FRMD3: variants seen among roughly 807,000 people sequenced by gnomAD.
FRMD3 encodes the protein FERM domain-containing protein 3.
A neutral mutation model predicts 70.2 loss-of-function variants in FRMD3; 33 were observed. The ratio of observed to expected loss-of-function variants is 0.47; its 90% CI spans 0.36 to 0.63. The LOEUF (loss-of-function observed/expected upper bound fraction) is 0.63. Ranked by LOEUF, FRMD3 falls within the 20% of genes least tolerant of loss-of-function variation. The pLI is 0.00. For synonymous variants in FRMD3, 279 were observed against 255.9 expected (o/e 1.09, Z -0.86); for missense variants, 632 against 711.4 (o/e 0.89, Z 1.27).
intron 13 of FRMD3, among the ~76,000 whole-genome samples, chr9:83,263,881 C>A (rs1833105784): frequency 1.3e-5 from 2 of 152,112 alleles, no homozygotes; most frequent in South Asian, 4.1e-4. Context: ...GGAAAACTTG[C>A]ATGAGGACAA....
chr9:83,566,829 T>C, the FRMD3 span, among the ~76,000 whole-genome samples: 1 of 152,156 alleles, frequency 6.6e-6, no homozygotes, highest in Non-Finnish European at 1.5e-5. Context: ...CTTTGCAGGG[T>C]ACAGCCTCCC....
intron 6 of FRMD3, chr9:83,331,885 C>G: frequency 1.4e-6 from 1 of 717,410 alleles, no homozygotes; most frequent in Non-Finnish European, 2.6e-6. Flanking sequence ...TTTCCTTGAT[C>G]CTGGGTAAGA....
chr9:83,491,602 T>G (rs1358335181), intron 1 of FRMD3, among the ~76,000 whole-genome samples: 5 of 152,174 alleles, frequency 3.3e-5, no homozygotes, highest in Admixed American at 6.5e-5. Flanking sequence ...GTCTGGAAGA[T>G]TCTGCCACAT....
In FRMD3 at chr9:83,248,121, G is replaced by A. The variant is rs1205154585; in HGVS notation, c.1591C>T (p.Leu531Phe). 1 of 1,614,196 alleles carries A rather than the reference G, an allele frequency of 6.2e-7. No homozygotes were observed. The highest frequency in any genetic ancestry group is 1.1e-5 in the South Asian group (1 of 91,084). ...VNPLVKSFSRLLVVGLGLLLF... is the reference protein window; with the variant it reads ...VNPLVKSFSRFLVVGLGLLLF... ...AGCAGTCCCAGGCCCACCACAAGGAGCCTGGAAAAACTCTTGACCAGTGGG... is the reference window on the plus strand; with the variant it reads ...AGCAGTCCCAGGCCCACCACAAGGAACCTGGAAAAACTCTTGACCAGTGGG... The change falls in exon 14 of 14, where the codon CTC (leucine) becomes TTC (phenylalanine). Residue 531 changes from leucine (L) to phenylalanine (F), a missense_variant. Coordinates refer to ENST00000304195, the MANE Select transcript of FRMD3 (RefSeq NM_174938.6).
intron 1 of FRMD3, among the ~76,000 whole-genome samples, chr9:83,520,783 C>G (rs1326589907): frequency 2.0e-5 from 3 of 152,090 alleles, no homozygotes; most frequent in Admixed American, 6.6e-5. Flanking sequence ...CAGACCCTCT[C>G]TAGCTGGGCT....
intron 5 of FRMD3, among the ~76,000 whole-genome samples, chr9:83,340,878 GCAC>G (rs917181312): frequency 3.3e-5 from 5 of 152,248 alleles, no homozygotes; most frequent in Non-Finnish European, 4.4e-5. Flanking sequence ...TTACAGGTGT[GCAC>G]CACCACATCC....
Position 83,245,397 on chromosome 9 carries a change from G to T in FRMD3, c.*2521C>A, listed in dbSNP as rs958340607. 6.1e-5 allele frequency: 60 copies of T among 985,202 alleles called. No individual in the cohort carries two copies. Among genetic ancestry groups the T allele is most frequent in the Non-Finnish European group, 7.1e-5 (59 of 829,920 alleles). 61.0% of individuals were successfully genotyped at this position (985,202 alleles called of 1,614,324 possible). On this transcript the variant is annotated 3_prime_UTR_variant, in exon 14 of 14. Transcript: ENST00000304195. The stretch of plus-strand genomic sequence containing the variant: ...GGCTCTGATTCTATGCCGAGCAAAT[G>T]GCATTTCAAGATTCCAGTTTAACTT...
At chr9:83,269,961 C>T (rs1833476608) in intron 13 of FRMD3, among the ~76,000 whole-genome samples, 1 of 152,144 alleles carries the variant, frequency 6.6e-6, no homozygotes, top group African/African-American at 2.4e-5. Flanking sequence ...TTGCCTCAGC[C>T]ATTTCTCTCT....
chr9:83,346,834 T>A (rs533688849), intron 4 of FRMD3, among the ~76,000 whole-genome samples: 1 of 152,290 alleles, frequency 6.6e-6, no homozygotes, highest in African/African-American at 2.4e-5. Context: ...AGAATCTGCA[T>A]TTATAACAAG....
the FRMD3 span, among the ~76,000 whole-genome samples, chr9:83,567,244 G>A: frequency 6.6e-6 from 1 of 152,186 alleles, no homozygotes; most frequent in South Asian, 2.1e-4. Flanking sequence ...GCCCCTTTCA[G>A]CCACAGCTGG....
At chr9:83,475,338 G>A (rs553240644) in intron 1 of FRMD3, among the ~76,000 whole-genome samples, 4 of 152,084 alleles carry the variant, frequency 2.6e-5, no homozygotes, top group East Asian at 3.9e-4. Flanking sequence ...AAAATACAAT[G>A]TAATAGAAGA....
chr9:83,483,271 T>G (rs1828610794), intron 1 of FRMD3, among the ~76,000 whole-genome samples: 1 of 152,186 alleles, frequency 6.6e-6, no homozygotes, highest in Non-Finnish European at 1.5e-5. Flanking sequence ...TGCTTCCCCT[T>G]TGCCCTTCTG....
chr9:83,488,986 G>GTGTGTGTA (rs1410214967), intron 1 of FRMD3, among the ~76,000 whole-genome samples: 7 of 95,854 alleles, frequency 7.3e-5, no homozygotes, highest in Admixed American at 3.7e-4. Context: ...GTGTGTGTGT[G>GTGTGTGTA]TGTGTGTGTG....
intron 2 of FRMD3, among the ~76,000 whole-genome samples, chr9:83,385,672 T>C (rs767437591): frequency 2.0e-5 from 3 of 152,200 alleles, no homozygotes; most frequent in Non-Finnish European, 4.4e-5. Context: ...GATTTTCTCA[T>C]TTAATTAGCT....
At chr9:83,442,763 A>C (rs1054496966) in intron 1 of FRMD3, among the ~76,000 whole-genome samples, 17 of 151,892 alleles carry the variant, frequency 1.1e-4, no homozygotes, top group African/African-American at 3.6e-4. Context: ...CACAGAGTCC[A>C]CATACATCCT....
At chr9:83,470,589 T>C (rs919324399) in intron 1 of FRMD3, among the ~76,000 whole-genome samples, 8 of 152,240 alleles carry the variant, frequency 5.3e-5, no homozygotes, top group Non-Finnish European at 1.0e-4. Context: ...CCCCTTGCCT[T>C]GTGATAGCTC....
At chr9:83,289,578 T>C (rs914931541) in intron 13 of FRMD3, among the ~76,000 whole-genome samples, 1 of 152,178 alleles carries the variant, frequency 6.6e-6, no homozygotes, top group Non-Finnish European at 1.5e-5. Context: ...GCCATATCCT[T>C]ATTATAGACT....
chr9:83,297,927 C>T (rs111469631), intron 12 of FRMD3: 21 of 450,686 alleles, frequency 4.7e-5, no homozygotes, highest in African/African-American at 1.4e-4. Flanking sequence ...ACCACAGCCT[C>T]CTCCTGCCCA....
At chr9:83,465,739 A>G (rs974089475) in intron 1 of FRMD3, among the ~76,000 whole-genome samples, 2 of 152,230 alleles carry the variant, frequency 1.3e-5, no homozygotes, top group Admixed American at 6.5e-5. Context: ...CTGCACTGAA[A>G]TTAAATCTCT....
Sources: gnomAD v4.1 joint callset for allele counts (sites outside exome capture counted in the v4.1 genomes callset) on GRCh38, gnomAD v4.1.1 for gene constraint, MANE v1.5 for transcripts, NCBI Gene and HGNC (gene_info 2026-07-23, HGNC 2026-07-21) for gene names.